The following ZBTB7C variants were observed in gnomAD, a reference collection of about 807,000 sequenced individuals.
ZBTB7C encodes zinc finger and BTB domain-containing protein 7C.
Under a neutral mutation model 25.7 loss-of-function variants are expected in ZBTB7C, and 8 were observed. That is an observed-to-expected ratio of 0.31 (90% CI 0.18 to 0.56). ZBTB7C has a LOEUF of 0.56. Among genes scored for constraint, ZBTB7C ranks in the 20% least tolerant of loss-of-function variants. ZBTB7C has a pLI of 0.91. For synonymous variants in ZBTB7C, 394 were observed against 369.0 expected, an observed-to-expected ratio of 1.07 and a Z score of -0.78; for missense variants, 824 against 855.2, an observed-to-expected ratio of 0.96 and a Z score of 0.46.
At chr18:48,152,583 T>C (rs879649769) in intron 3 of ZBTB7C, among the ~76,000 whole-genome samples, 6 of 152,214 alleles carry the variant, frequency 3.9e-5, no homozygotes, top group Non-Finnish European at 5.9e-5. Context: ...TATTTTTCCA[T>C]TGCATGAGAA....
At chr18:48,117,369 G>T (rs944058177) in intron 3 of ZBTB7C, among the ~76,000 whole-genome samples, 9 of 152,314 alleles carry the variant, frequency 5.9e-5, no homozygotes, top group Admixed American at 5.9e-4. Context: ...GGAAGTCTTG[G>T]ATGGCTCAGG....
At chr18:48,215,947 T>C (rs531974506) in intron 2 of ZBTB7C, among the ~76,000 whole-genome samples, 1 of 152,362 alleles carries the variant, frequency 6.6e-6, no homozygotes, top group East Asian at 1.9e-4. Context: ...GGTTGTTATC[T>C]TAATGGTACA....
intron 2 of ZBTB7C, among the ~76,000 whole-genome samples, chr18:48,203,078 G>A (rs913674360): frequency 6.6e-6 from 1 of 152,100 alleles, no homozygotes; most frequent in Non-Finnish European, 1.5e-5. Context: ...GGAATGTCAG[G>A]CCCTCTGTTG....
chr18:48,265,734 A>G (rs2044294117), intron 2 of ZBTB7C, among the ~76,000 whole-genome samples: 1 of 152,226 alleles, frequency 6.6e-6, no homozygotes, highest in African/African-American at 2.4e-5. Flanking sequence ...CACTTACAAA[A>G]TAACTGGCCT....
At chr18:48,408,262 C>T (rs1259237282) in intron 1 of ZBTB7C, 1 of 152,394 alleles carries the variant, frequency 6.6e-6, no homozygotes, top group Non-Finnish European at 1.5e-5. Flanking sequence ...CTCCTCCTGG[C>T]CTTCATCCTA....
intron 2 of ZBTB7C, among the ~76,000 whole-genome samples, chr18:48,199,079 G>A (rs556506532): frequency 1.3e-5 from 2 of 152,340 alleles, no homozygotes; most frequent in South Asian, 4.1e-4. Context: ...TTCCAGGAAC[G>A]CTGGTAGAAA....
At chr18:48,219,993 G>A (rs1032628715) in intron 2 of ZBTB7C, among the ~76,000 whole-genome samples, 11 of 152,136 alleles carry the variant, frequency 7.2e-5, no homozygotes, top group Non-Finnish European at 1.2e-4. Flanking sequence ...TGGGGTGTTG[G>A]CCAACATTTG....
intron 3 of ZBTB7C, among the ~76,000 whole-genome samples, chr18:48,133,215 G>T (rs1250377535): frequency 1.3e-5 from 2 of 152,208 alleles, no homozygotes; most frequent in African/African-American, 2.4e-5. Context: ...ATCCCATGGG[G>T]GGAACCTCCT....
At chr18:48,302,208 C>T (rs1174963471) in intron 2 of ZBTB7C, among the ~76,000 whole-genome samples, 1 of 152,176 alleles carries the variant, frequency 6.6e-6, no homozygotes, top group South Asian at 2.1e-4. Flanking sequence ...TCCCCATTCC[C>T]CAGAAAGGGA....
At chr18:48,272,732 A>G (rs2044530398) in intron 2 of ZBTB7C, among the ~76,000 whole-genome samples, 1 of 152,242 alleles carries the variant, frequency 6.6e-6, no homozygotes, top group Non-Finnish European at 1.5e-5. Context: ...CTTGATAATA[A>G]TCAAAAAGTG....
At chr18:48,352,462 T>C (rs570447343) in intron 1 of ZBTB7C, among the ~76,000 whole-genome samples, 9 of 152,334 alleles carry the variant, frequency 5.9e-5, no homozygotes, top group African/African-American at 2.2e-4. Flanking sequence ...TCCACTCTTT[T>C]AGCAAAGCAT....
chr18:48,405,666 C>A (rs759023219), intron 1 of ZBTB7C, among the ~76,000 whole-genome samples: 5 of 152,042 alleles, frequency 3.3e-5, no homozygotes, highest in African/African-American at 4.8e-5. Context: ...AGAAGCCCTG[C>A]AGGATGCTGC....
At chr18:48,367,200 TATACACACAC>T (rs2047249343) in intron 1 of ZBTB7C, among the ~76,000 whole-genome samples, 1 of 66,018 alleles carries the variant, frequency 1.5e-5, no homozygotes, top group African/African-American at 6.5e-5. Flanking sequence ...TATATATATA[TATACACACAC>T]ACACACACAC....
chr18:48,079,889 G>A (rs2037917004), intron 3 of ZBTB7C, among the ~76,000 whole-genome samples: 2 of 152,216 alleles, frequency 1.3e-5, no homozygotes, highest in Non-Finnish European at 2.9e-5. Flanking sequence ...CCAGCAAGAA[G>A]AGCCTAGTCT....
chr18:48,196,743 C>T (rs184920119), intron 2 of ZBTB7C, among the ~76,000 whole-genome samples: 1 of 152,224 alleles, frequency 6.6e-6, no homozygotes, highest in African/African-American at 2.4e-5. Context: ...CAATATTTAA[C>T]CCAAATGCCA....
chr18:48,114,902 TA>T (rs955519097), intron 3 of ZBTB7C, among the ~76,000 whole-genome samples: 6 of 152,256 alleles, frequency 3.9e-5, no homozygotes, highest in African/African-American at 1.4e-4. Flanking sequence ...TTCCGTTTTT[TA>T]TTTTTTGGGA....
chr18:48,134,526 T>C (rs188611461), intron 3 of ZBTB7C, among the ~76,000 whole-genome samples: 52 of 152,348 alleles, frequency 3.4e-4, no homozygotes, highest in Non-Finnish European at 7.3e-4. Flanking sequence ...CTGTGAACCA[T>C]GTACGGTCTA....
chr18:48,338,921 G>A (rs920690595), intron 1 of ZBTB7C, among the ~76,000 whole-genome samples: 145 of 152,000 alleles, frequency 9.5e-4, no homozygotes, highest in African/African-American at 2.8e-3. Context: ...TGGGGGGGGG[G>A]GGTCCAGGTA....
rs200950688 is a variant in ZBTB7C at position 48,347,127 on chromosome 18, T to TG, written c.-303-8730_-303-8729insC. ...GAGTGATTCCCAGTTTTTGTTTGTT[T>TG]TTTTTTTTTTTTTTTTTTTTTGAGA... On this transcript the variant is annotated intron_variant, in intron 1 of 4. Coordinates refer to ENST00000590800, the MANE Select transcript of ZBTB7C (RefSeq NM_001318841.2). Among the ~76,000 whole-genome samples, 101 of 133,586 alleles carry TG rather than the reference T, an allele frequency of 7.6e-4. 1 individual carries two copies. The highest frequency in any genetic ancestry group is 8.1e-4 in the Non-Finnish European group (50 of 61,644). 87.6% of individuals were successfully genotyped at this position (133,586 alleles called of 152,430 possible).
Sources: gnomAD v4.1 joint callset for allele counts (sites outside exome capture counted in the v4.1 genomes callset) on GRCh38, gnomAD v4.1.1 for gene constraint, MANE v1.5 for transcripts, NCBI Gene and HGNC (gene_info 2026-07-23, HGNC 2026-07-21) for gene names.